P2RX1: variants seen among roughly 807,000 people sequenced by gnomAD.
The protein encoded by P2RX1 is purinergic receptor P2X 1.
P2RX1 carries 42 observed loss-of-function variants against 50.3 expected under a neutral mutation model. The ratio of observed to expected loss-of-function variants is 0.83; its 90% CI spans 0.65 to 1.08. P2RX1 has a LOEUF of 1.08. P2RX1 is among the 50% of genes least tolerant of loss of function. The pLI is 0.00. For missense variants in P2RX1, 449 were observed against 529.0 expected (o/e 0.85, Z 1.48); for synonymous variants, 199 against 202.6 (o/e 0.98, Z 0.15).
chr17:3,907,794 C>T (rs1427224475), intron 1 of P2RX1, among the ~76,000 whole-genome samples: 1 of 152,100 alleles, frequency 6.6e-6, no homozygotes, highest in African/African-American at 2.4e-5. Flanking sequence ...AGAGCATTGC[C>T]CATCCCCCCA....
Position 3,901,318 on chromosome 17 carries a change from T to C in P2RX1, c.748-1557A>G, listed in dbSNP as rs9895206. 3.6e-3 allele frequency among the ~76,000 whole-genome samples: 550 copies of C among 152,268 alleles called. 1 individual carries two copies. The highest frequency in any genetic ancestry group is 7.7e-3 in the African/African-American group (322 of 41,560). ...TCCTGACCTCGTGATCCGCCCGCCT[T>C]GGCCTCCCAAAGTGCTGGGATTACA... On this transcript the variant is annotated intron_variant, in intron 7 of 11. Coordinates refer to ENST00000225538, the MANE Select transcript of P2RX1 (RefSeq NM_002558.4).
chr17:3,903,276 G>C lies in P2RX1; in HGVS notation c.673C>G (p.Pro225Ala), dbSNP rs1663395573. Residue 225 changes from proline to alanine, a missense_variant, in exon 7 of 12, where the codon CCC becomes GCC. Coordinates refer to ENST00000225538, the MANE Select transcript of P2RX1 (RefSeq NM_002558.4). This position sits in a 1 kb window ranked among gnomAD's most constrained non-coding sequence, Gnocchi z 4.6. ...CCAAGCTGGAAGACTGGGCACAGGG[G>C]GTGCAGGGTCTTGTGAAAGAGGCAG... ...KTCLFHKTLH[P>A]LCPVFQLGYV... 1.9e-6 allele frequency: 3 copies of C among 1,614,066 alleles called. No homozygotes were observed. In the African/African-American group the frequency reaches 4.0e-5, roughly 22 times the overall value.
chr17:3,915,903 G>A (rs773438233), intron 1 of P2RX1, 186 bp downstream of exon 1: 20 of 769,402 alleles, frequency 2.6e-5, no homozygotes, highest in South Asian at 1.3e-4. Context: ...CTTCCCCTCC[G>A]GCCTCGTCCC....
intron 1 of P2RX1, among the ~76,000 whole-genome samples, chr17:3,909,940 A>G (rs1483819559): frequency 6.1e-5 from 9 of 146,660 alleles, no homozygotes; most frequent in African/African-American, 2.3e-4. Context: ...ATGCTCCTCA[A>G]TTTACAATGT....
At chr17:3,904,287 G>T in intron 4 of P2RX1, 43 bp downstream of exon 4, 1 of 1,571,320 alleles carries the variant, frequency 6.4e-7, no homozygotes. Flanking sequence ...GTCAGGGACC[G>T]CAGCCGGGGG....
Position 3,903,885 on chromosome 17 carries a change from C to T in P2RX1, c.524+43G>A, listed in dbSNP as rs938107663. ...TAGACCTAGGCCCCCCTCTGTCTGG[C>T]CTGGGACCCTGTTCTTAGCTCTCTG... On this transcript the variant is annotated intron_variant, in intron 5 of 11. Coordinates refer to ENST00000225538, the MANE Select transcript of P2RX1 (RefSeq NM_002558.4). This position sits in a 1 kb window ranked among gnomAD's most constrained non-coding sequence, Gnocchi z 4.6. The T allele has an allele frequency of 1.7e-5, 25 of 1,514,280 alleles. No homozygotes were observed. The highest frequency in any genetic ancestry group is 2.2e-5 in the Non-Finnish European group (24 of 1,089,128). The allele number at this position is 1,514,280 out of a possible 1,614,324, so 93.8% of individuals were successfully genotyped here.
At position 3,897,294 on chromosome 17, in the gene P2RX1, C is replaced by T. The variant is rs918491900; in HGVS notation, c.*520G>A. Reference sequence around the variant, plus strand: ...AAGCAGGGCTGTCTAATAGAACTTTCTTTGACAGTGAAAATGCCCCGAGCT... The same window carrying T: ...AAGCAGGGCTGTCTAATAGAACTTTTTTTGACAGTGAAAATGCCCCGAGCT... On this transcript the variant is annotated 3_prime_UTR_variant, in exon 12 of 12. Transcript: ENST00000225538. The T allele has an allele frequency of 5.5e-6, 1 of 180,754 alleles. No individual in the cohort carries two copies. The highest frequency in any genetic ancestry group is 1.2e-5 in the Non-Finnish European group (1 of 83,138). 11.2% of individuals were successfully genotyped at this position (180,754 alleles called of 1,614,324 possible).
At chr17:3,915,761 G>A in intron 1 of P2RX1, 1 of 505,902 alleles carries the variant, frequency 2.0e-6, no homozygotes, top group South Asian at 1.5e-5. Flanking sequence ...CAGAGGTCGA[G>A]GACTCAGTGG....
intron 1 of P2RX1, among the ~76,000 whole-genome samples, chr17:3,910,948 C>A (rs1012970333): frequency 8.5e-5 from 13 of 152,128 alleles, no homozygotes; most frequent in Non-Finnish European, 1.3e-4. Flanking sequence ...GAATCTCAGG[C>A]CAACCATTTG....
intron 4 of P2RX1, 96 bp downstream of exon 4, chr17:3,904,234 G>A (rs555546735): frequency 2.4e-6 from 3 of 1,257,932 alleles, no homozygotes; most frequent in African/African-American, 1.5e-5. Flanking sequence ...GGCGGGAGGG[G>A]TGTGGAGAGA....
rs531701659 is a variant in P2RX1, at chr17:3,916,402, T to G, written c.-177A>C. 1.5e-6 allele frequency: 1 copy of G among 654,642 alleles called. No individual in the cohort carries two copies. The highest frequency in any genetic ancestry group is 1.8e-5 in the African/African-American group (1 of 55,002). 40.6% of individuals were successfully genotyped at this position (654,642 alleles called of 1,614,324 possible). A position where few individuals can be genotyped will look rare whatever the true frequency, so the allele number is the denominator to read the frequency against. Reference sequence around the variant, plus strand: ...GGAGCCAGAGGTCAGCTGGAGGCACTTGGGTTGGAGAGAGAATCCCTGGGT... The same window carrying G: ...GGAGCCAGAGGTCAGCTGGAGGCACGTGGGTTGGAGAGAGAATCCCTGGGT... On this transcript the variant is annotated 5_prime_UTR_variant, in exon 1 of 12. Coordinates refer to ENST00000225538, the MANE Select transcript of P2RX1 (RefSeq NM_002558.4).
Position 3,903,645 on chromosome 17 carries a change from C to T in P2RX1, c.525-14G>A. On this transcript the variant is annotated splice_polypyrimidine_tract_variant and intron_variant, in intron 5 of 11. Transcript: ENST00000225538. This position sits in a 1 kb window ranked among gnomAD's most constrained non-coding sequence, Gnocchi z 4.6. ...AGAAGGGCAGGGCTGGAGGACACCACACGCACTCACCGCCCCTCCCCAGGA... is the reference window on the plus strand; with the variant it reads ...AGAAGGGCAGGGCTGGAGGACACCATACGCACTCACCGCCCCTCCCCAGGA... 2 of 1,613,116 alleles carry T rather than the reference C, an allele frequency of 1.2e-6. No homozygotes were observed. The highest frequency in any genetic ancestry group is 1.7e-6 in the Non-Finnish European group (2 of 1,179,258).
rs890966515 is a variant in P2RX1, at chr17:3,903,708, G to T, written c.525-77C>A. On this transcript the variant is annotated intron_variant, in intron 5 of 11. Transcript: ENST00000225538. The surrounding 1 kb of genome is among the most constrained non-coding windows in gnomAD (Gnocchi z 4.6). ...GTCCCACACAGAGCTTGGCACAGCA[G>T]GGGGTGGGCCGAGCCTCCGGGACCC... The T allele has an allele frequency of 4.0e-6, 6 of 1,505,966 alleles. No individual in the cohort carries two copies. The highest frequency in any genetic ancestry group is 2.3e-5 in the East Asian group (1 of 44,350). 93.3% of individuals were successfully genotyped at this position (1,505,966 alleles called of 1,614,324 possible). A position where few individuals can be genotyped will look rare whatever the true frequency, so the allele number is the denominator to read the frequency against.
intron 7 of P2RX1, among the ~76,000 whole-genome samples, chr17:3,900,307 A>T (rs1319320144): frequency 6.6e-6 from 1 of 151,816 alleles, no homozygotes; most frequent in Middle Eastern, 3.2e-3. Flanking sequence ...TACAAAAATT[A>T]GCTGGGCATG....
intron 8 of P2RX1, 129 bp downstream of exon 8, chr17:3,899,505 G>A: frequency 7.8e-7 from 1 of 1,276,476 alleles, no homozygotes; most frequent in South Asian, 1.2e-5. Flanking sequence ...GGCCACCCAG[G>A]CAGAATGAGA....
chr17:3,911,940 G>A (rs972452523), intron 1 of P2RX1, among the ~76,000 whole-genome samples: 4 of 152,172 alleles, frequency 2.6e-5, no homozygotes, highest in African/African-American at 4.8e-5. Context: ...ACCCGACCCC[G>A]GCCAATAAGA....
Position 3,903,870 on chromosome 17 carries a change from C to A in P2RX1, c.524+58G>T. 7.2e-7 allele frequency: 1 copy of A among 1,390,812 alleles called. No homozygotes were observed. The highest frequency in any genetic ancestry group is 1.0e-6 in the Non-Finnish European group (1 of 976,722). 86.2% of individuals were successfully genotyped at this position (1,390,812 alleles called of 1,614,324 possible). A position where few individuals can be genotyped will look rare whatever the true frequency, so the allele number is the denominator to read the frequency against. ...GGTAAAGATCCTTTCTAGACCTAGG[C>A]CCCCCTCTGTCTGGCCTGGGACCCT... On this transcript the variant is annotated intron_variant, in intron 5 of 11. Coordinates refer to ENST00000225538, the MANE Select transcript of P2RX1 (RefSeq NM_002558.4). This position sits in a 1 kb window ranked among gnomAD's most constrained non-coding sequence, Gnocchi z 4.6.
intron 2 of P2RX1, 110 bp downstream of exon 2, chr17:3,905,110 G>T: frequency 2.1e-6 from 3 of 1,447,502 alleles, no homozygotes; most frequent in Non-Finnish European, 2.9e-6. Context: ...ATTCACAGAG[G>T]TCCAGAGAGA....
chr17:3,912,577 C>T (rs1221320045), intron 1 of P2RX1, among the ~76,000 whole-genome samples: 1 of 152,168 alleles, frequency 6.6e-6, no homozygotes, highest in Non-Finnish European at 1.5e-5. Context: ...GTGATCCACC[C>T]GCCTTAGCCT....
Sources: allele counts gnomAD v4.1 joint callset (sites outside exome capture counted in the v4.1 genomes callset), GRCh38; gene constraint gnomAD v4.1.1; non-coding constraint Gnocchi (gnomAD v3.1); transcripts MANE v1.5; gene names NCBI Gene and HGNC (gene_info 2026-07-23, HGNC 2026-07-21).